The following GTPBP1 variants were observed in gnomAD, a reference collection of about 807,000 sequenced individuals.
The protein encoded by GTPBP1 is GTP binding protein 1, also known as GTP-binding protein 1.
In GTPBP1, 23 loss-of-function variants were observed where a neutral mutation model predicts 62.0. That is an observed-to-expected ratio of 0.37 (90% confidence interval 0.27 to 0.53). GTPBP1 has a LOEUF of 0.53. Ranked by LOEUF, GTPBP1 falls within the 20% of genes least tolerant of loss-of-function variation. The probability of loss-of-function intolerance (pLI) is 0.89; values close to 1 mark genes in which losing one functional copy is unlikely to be tolerated. For synonymous variants in GTPBP1, 344 were observed against 364.4 expected, an observed-to-expected ratio of 0.94 and a Z score of 0.64; for missense variants, 640 against 917.3, an observed-to-expected ratio of 0.70 and a Z score of 3.90.
downstream of GTPBP1, chr22:38,741,483 A>AGCCCGCTGACCTGGGAGGCCC: frequency 1.2e-6 from 2 of 1,613,716 alleles, no homozygotes; most frequent in Non-Finnish European, 1.7e-6. Context: ...GAGTGCCGCA[A>AGCCCGCTGACCTGGGAGGCCC]GCCCGCTGAC....
chr22:38,716,298 G>A lies in GTPBP1; in HGVS notation c.485+211G>A, dbSNP rs2092670158. 1.7e-6 allele frequency: 1 copy of A among 594,610 alleles called. No individual in the cohort carries two copies. The allele number at this position is 594,610 out of a possible 1,614,324, so 36.8% of individuals were successfully genotyped here. A position where few individuals can be genotyped will look rare whatever the true frequency, so the allele number is the denominator to read the frequency against. The stretch of plus-strand genomic sequence containing the variant: ...AGAGAGGCCAGCCGTGCATTCTGTG[G>A]CCATTCTCTGTGGGTGTGTTTCTTT... On this transcript the variant is annotated intron_variant, in intron 3 of 11. Transcript: ENST00000216044. The surrounding 1 kb of genome is among the most constrained non-coding windows in gnomAD (Gnocchi z 5.2).
Position 38,721,879 on chromosome 22 carries a change from C to CCTCTG in GTPBP1, c.958+15_958+16insTCTGC. The CCTCTG allele has an allele frequency of 1.9e-6, 3 of 1,561,494 alleles. No individual in the cohort carries two copies. Among genetic ancestry groups the CCTCTG allele is most frequent in the Non-Finnish European group, 2.6e-6 (3 of 1,142,136 alleles). ...ACATCCTGCAAGGTAAGTGAAGCCTCCAGCTAGCAGCAGCCCCTCTGATTG... is the reference window on the plus strand; with the variant it reads ...ACATCCTGCAAGGTAAGTGAAGCCTCCTCTGCAGCTAGCAGCAGCCCCTCTGATTG... On this transcript the variant is annotated intron_variant, in intron 5 of 11. Coordinates refer to ENST00000216044, the MANE Select transcript of GTPBP1 (RefSeq NM_004286.5).
At chr22:38,723,378 T>C (rs905403383) in intron 5 of GTPBP1, 7 of 866,924 alleles carry the variant, frequency 8.1e-6, no homozygotes, top group African/African-American at 5.0e-5. Flanking sequence ...GACCATAATA[T>C]GTTTGTCAAG....
chr22:38,726,918 TC>T lies in GTPBP1; in HGVS notation c.1402-290del, dbSNP rs1399281496. Among the ~76,000 whole-genome samples the T allele has an allele frequency of 2.0e-5, 3 of 152,130 alleles. No homozygotes were observed. Among genetic ancestry groups the T allele is most frequent in the African/African-American group, 7.2e-5 (3 of 41,416 alleles). ...TGGTCAGGTCATGCCCACCTGTTGT[TC>T]CCCCTGAATGCTTGCCTGCCTTTGC... On this transcript the variant is annotated intron_variant, in intron 8 of 11. Transcript: ENST00000216044. This position sits in a 1 kb window ranked among gnomAD's most constrained non-coding sequence, Gnocchi z 4.1.
In GTPBP1 at chr22:38,721,775, A is replaced by G; in HGVS notation, c.868A>G (p.Lys290Glu). Reference protein sequence around the residue: ...GSNAGIVGMTKEHLGLALALN... With the variant: ...GSNAGIVGMTEEHLGLALALN... ...CAATGCTGGCATCGTGGGGATGACC[A>G]AAGAACACCTGGGCTTGGCACTGGC... The change falls in exon 5 of 12, where the codon AAA (lysine) becomes GAA (glutamate). Residue 290 changes from lysine (K) to glutamate (E), a missense_variant. Lys to Glu is a moderately conservative substitution (Grantham distance 56, BLOSUM62 1). This residue lies in a region of GTPBP1 where 88 missense variants were observed against 217.0 expected (regional missense o/e 0.41). Transcript: ENST00000216044. The G allele has an allele frequency of 2.5e-6, 4 of 1,613,054 alleles. No homozygotes were observed. The highest frequency in any genetic ancestry group is 3.4e-6 in the Non-Finnish European group (4 of 1,179,172).
At chr22:38,728,242 G>C in intron 10 of GTPBP1, 81 bp downstream of exon 10, 1 of 1,002,126 alleles carries the variant, frequency 1.0e-6, no homozygotes, top group South Asian at 1.4e-5. Context: ...GCAGGGCAGA[G>C]GTTTAGTCAC....
rs769733427 is a variant in GTPBP1 at position 38,715,917 on chromosome 22, G to A, written c.315G>A (p.Glu105=). Reference sequence around the variant, plus strand: ...GGCTCTTGTCACCAGATGGGACTGAGTATGGGCTGAGTGAAGCTGACATGG... The same window carrying A: ...GGCTCTTGTCACCAGATGGGACTGAATATGGGCTGAGTGAAGCTGACATGG... ...YVIGQGSDGT[E]YGLSEADMEA... Residue 105 remains glutamate, a synonymous_variant, in exon 3 of 12, where the codon GAG becomes GAA. Transcript: ENST00000216044. 7 of 1,613,348 alleles carry A rather than the reference G, an allele frequency of 4.3e-6. No homozygotes were observed. The Admixed American group carries it at 1.2e-4, about 27-fold the overall frequency.
chr22:38,731,537 GC>G lies in GTPBP1; in HGVS notation c.*835del, dbSNP rs1439240290. The G allele has an allele frequency of 6.5e-6, 1 of 152,764 alleles. No homozygotes were observed. Among genetic ancestry groups the G allele is most frequent in the Non-Finnish European group, 1.5e-5 (1 of 68,156 alleles). 9.5% of individuals were successfully genotyped at this position (152,764 alleles called of 1,614,324 possible). A position where few individuals can be genotyped will look rare whatever the true frequency, so the allele number is the denominator to read the frequency against. On this transcript the variant is annotated 3_prime_UTR_variant, in exon 12 of 12. Coordinates refer to ENST00000216044, the MANE Select transcript of GTPBP1 (RefSeq NM_004286.5). ...TGGAGACAATCCTGCGTTTGCCTGG[GC>G]CGGCCCTGGCTGCCCTCAGCTTTCG...
chr22:38,730,667 C>T lies in GTPBP1; in HGVS notation c.1973C>T (p.Ser658Phe). Residue 658 changes from serine to phenylalanine, a missense_variant, in exon 12 of 12, where the codon TCC becomes TTC. By Grantham distance (155) the Ser-to-Phe change is radical. This residue lies in a region of GTPBP1 where 117 missense variants were observed against 107.1 expected (regional missense o/e 1.09). Coordinates refer to ENST00000216044, the MANE Select transcript of GTPBP1 (RefSeq NM_004286.5). The surrounding 1 kb of genome is among the most constrained non-coding windows in gnomAD (Gnocchi z 5.6). ...RRGGQRHKVK[S>F]QGACVTPASG... ...GGGGGCCAGCGCCACAAGGTGAAGT[C>T]CCAGGGGGCCTGTGTGACTCCTGCC... 1 of 1,604,194 alleles carries T rather than the reference C, an allele frequency of 6.2e-7. No homozygotes were observed.
chr22:38,716,100 C>A lies in GTPBP1; in HGVS notation c.485+13C>A. On this transcript the variant is annotated intron_variant, in intron 3 of 11. Coordinates refer to ENST00000216044, the MANE Select transcript of GTPBP1 (RefSeq NM_004286.5). This position sits in a 1 kb window ranked among gnomAD's most constrained non-coding sequence, Gnocchi z 5.2. ...TCCTGGAGGTCAGGTGAGGAGGCCGCGGGACATTTTGGGGTCCCCATTCTT... is the reference window on the plus strand; with the variant it reads ...TCCTGGAGGTCAGGTGAGGAGGCCGAGGGACATTTTGGGGTCCCCATTCTT... The A allele has an allele frequency of 3.8e-6, 6 of 1,564,928 alleles. No individual in the cohort carries two copies. Among genetic ancestry groups the A allele is most frequent in the Non-Finnish European group, 5.2e-6 (6 of 1,154,026 alleles).
At chr22:38,721,335 C>T (rs909211934) in intron 4 of GTPBP1, among the ~76,000 whole-genome samples, 12 of 152,202 alleles carry the variant, frequency 7.9e-5, no homozygotes, top group Admixed American at 3.3e-4. Context: ...GCCTTGACCT[C>T]GCAAAGTGCT....
chr22:38,708,806 T>A (rs748950854), intron 1 of GTPBP1, 39 bp from the exon 2 acceptor site: 1 of 1,123,496 alleles, frequency 8.9e-7, no homozygotes, highest in South Asian at 1.2e-5. Context: ...GGTGCTCTTC[T>A]AGCAAGTGTG....
chr22:38,739,878 C>T, downstream of GTPBP1: 5 of 1,613,264 alleles, frequency 3.1e-6, no homozygotes, highest in African/African-American at 5.3e-5. This position sits in a 1 kb window ranked among gnomAD's most constrained non-coding sequence, Gnocchi z 6.7. Flanking sequence ...TCTGAAGGAG[C>T]CCCACGCGGC....
downstream of GTPBP1, among the ~76,000 whole-genome samples, chr22:38,737,274 C>T (rs2092813895): frequency 6.6e-6 from 1 of 152,128 alleles, no homozygotes; most frequent in African/African-American, 2.4e-5. This position sits in a 1 kb window ranked among gnomAD's most constrained non-coding sequence, Gnocchi z 4.1. Context: ...GTGCCTCAGA[C>T]TCAGCCAGAC....
intron 4 of GTPBP1, among the ~76,000 whole-genome samples, chr22:38,717,571 T>C (rs1276962596): frequency 1.3e-5 from 2 of 152,124 alleles, no homozygotes; most frequent in Non-Finnish European, 2.9e-5. Context: ...GTCCAGAGGC[T>C]CCCAAAAAGC....
intron 1 of GTPBP1, among the ~76,000 whole-genome samples, chr22:38,707,176 C>G (rs1168083643): frequency 6.6e-6 from 1 of 152,184 alleles, no homozygotes; most frequent in Non-Finnish European, 1.5e-5. Context: ...TTGAAGTGAA[C>G]GAGATAGTTC....
At chr22:38,706,225 A>G in intron 1 of GTPBP1, 78 bp downstream of exon 1, 1 of 958,636 alleles carries the variant, frequency 1.0e-6, no homozygotes, top group Non-Finnish European at 1.3e-6. Flanking sequence ...CGGCGGGGCC[A>G]GCGGCCGCCC....
At chr22:38,734,941 G>A (rs2092788804), downstream of GTPBP1, 2 of 271,906 alleles carry the variant, frequency 7.4e-6, no homozygotes, top group South Asian at 3.3e-5. Flanking sequence ...AGGCCTGCCC[G>A]CCTTCTTGCC....
At chr22:38,708,777 A>G in intron 1 of GTPBP1, 68 bp from the exon 2 acceptor site, 2 of 885,368 alleles carry the variant, frequency 2.3e-6, no homozygotes, top group Non-Finnish European at 3.9e-6. Flanking sequence ...GTTAGGCTAT[A>G]TTGATCAGCT....
Sources: allele counts gnomAD v4.1 joint callset (sites outside exome capture counted in the v4.1 genomes callset), GRCh38; gene constraint gnomAD v4.1.1; regional missense constraint gnomAD v4.1.1; non-coding constraint Gnocchi (gnomAD v3.1); transcripts MANE v1.5; gene names NCBI Gene and HGNC (gene_info 2026-07-23, HGNC 2026-07-21).